The following LRRC4C variants were observed in gnomAD, a reference collection of about 807,000 sequenced individuals.
LRRC4C encodes leucine-rich repeat-containing protein 4C.
Under a neutral mutation model 33.6 loss-of-function variants are expected in LRRC4C, and 5 were observed. The ratio of observed to expected loss-of-function variants is 0.15; its 90% CI spans 0.08 to 0.31. The LOEUF (loss-of-function observed/expected upper bound fraction) is 0.31, where lower values mean the gene tolerates loss of function less well. LRRC4C is among the 10% of genes least tolerant of loss of function. LRRC4C has a pLI of 1.00. For missense variants in LRRC4C, 560 were observed against 796.7 expected (o/e 0.70, Z 3.58); for synonymous variants, 329 against 302.0 (o/e 1.09, Z -0.93).
chr11:40,681,597 T>C (rs1038211021), intron 2 of LRRC4C, among the ~76,000 whole-genome samples: 2 of 152,126 alleles, frequency 1.3e-5, no homozygotes, highest in African/African-American at 4.8e-5. Flanking sequence ...GTTTAATAAA[T>C]ATAAAGACTA....
At chr11:40,341,932 T>C (rs1430481653) in intron 3 of LRRC4C, among the ~76,000 whole-genome samples, 2 of 152,050 alleles carry the variant, frequency 1.3e-5, no homozygotes, top group African/African-American at 2.4e-5. Context: ...TGTGGTTTTC[T>C]TTGTAAATCA....
Position 41,008,441 on chromosome 11 carries a change from C to T in LRRC4C, c.-495-74718G>A, listed in dbSNP as rs1198039973. ...ACAGTAATCTGGTAACAGATTGATA[C>T]TAAAGAGAGCTAGTTCGATTTGTTG... On this transcript the variant is annotated intron_variant, in intron 1 of 6. Transcript: ENST00000528697. 2.0e-5 allele frequency among the ~76,000 whole-genome samples: 3 copies of T among 152,068 alleles called. No individual in the cohort carries two copies. The East Asian group carries it at 5.8e-4, about 29-fold the overall frequency.
rs370851776 is a variant in LRRC4C at position 41,437,899 on chromosome 11, G to A, written c.-496+21532C>T. Among the ~76,000 whole-genome samples the A allele has an allele frequency of 2.8e-4, 42 of 152,132 alleles. No homozygotes were observed. In the East Asian group the frequency reaches 7.4e-3, roughly 27 times the overall value. On this transcript the variant is annotated intron_variant, in intron 1 of 6. Coordinates refer to ENST00000528697, the MANE Select transcript of LRRC4C (RefSeq NM_001258419.2). Reference sequence around the variant, plus strand: ...CTAAAAATACAAAAATTAGCTGGGCGTGGTTGTGGGCACCTGTAATTCCAG... The same window carrying A: ...CTAAAAATACAAAAATTAGCTGGGCATGGTTGTGGGCACCTGTAATTCCAG...
chr11:40,380,300 T>G (rs1948816910), intron 3 of LRRC4C, among the ~76,000 whole-genome samples: 1 of 152,170 alleles, frequency 6.6e-6, no homozygotes, highest in Non-Finnish European at 1.5e-5. Flanking sequence ...GGTTTATGTT[T>G]TAAATCTTCC....
rs397956716 is a variant in LRRC4C, at chr11:40,789,093, GAAAAAAA to G, written c.-406-140822_-406-140816del. On this transcript the variant is annotated intron_variant, in intron 2 of 6. Transcript: ENST00000528697. ...GGGTGAGAGCAAGACTCCGTCTCGG[GAAAAAAA>G]AAAAAAAAAAAAAAAAAGCATATTA... Among the ~76,000 whole-genome samples the G allele has an allele frequency of 3.3e-3, 208 of 63,542 alleles. 1 individual carries two copies. The highest frequency in any genetic ancestry group is 0.013 in the African/African-American group (197 of 15,488). The allele number at this position is 63,542 out of a possible 152,430, so 41.7% of individuals were successfully genotyped here.
chr11:40,840,623 C>T (rs1952869053), intron 2 of LRRC4C, among the ~76,000 whole-genome samples: 1 of 152,136 alleles, frequency 6.6e-6, no homozygotes, highest in Non-Finnish European at 1.5e-5. Context: ...GTTATGGTTT[C>T]CTTGAACTGG....
intron 2 of LRRC4C, among the ~76,000 whole-genome samples, chr11:40,765,145 C>T (rs1401344081): frequency 6.6e-6 from 1 of 152,116 alleles, no homozygotes; most frequent in African/African-American, 2.4e-5. Context: ...GTATCCCCAC[C>T]CAAATCTCAT....
intron 1 of LRRC4C, among the ~76,000 whole-genome samples, chr11:40,938,589 C>T (rs1958010444): frequency 6.6e-6 from 1 of 152,074 alleles, no homozygotes; most frequent in African/African-American, 2.4e-5. Context: ...CACCTACTGC[C>T]TCTTCTTAAA....
intron 1 of LRRC4C, among the ~76,000 whole-genome samples, chr11:41,286,246 A>G (rs1949824434): frequency 6.6e-6 from 1 of 152,180 alleles, no homozygotes; most frequent in South Asian, 2.1e-4. Flanking sequence ...TCTTTTATAA[A>G]ATAGTTTCTT....
chr11:41,143,384 T>G (rs1209215187), intron 1 of LRRC4C, among the ~76,000 whole-genome samples: 5 of 152,160 alleles, frequency 3.3e-5, no homozygotes, highest in African/African-American at 1.2e-4. Context: ...TAAATCATTT[T>G]GGGACTAAGG....
chr11:40,475,990 G>T (rs1953198783), intron 3 of LRRC4C, among the ~76,000 whole-genome samples: 1 of 152,100 alleles, frequency 6.6e-6, no homozygotes, highest in South Asian at 2.1e-4. Flanking sequence ...TGCATTTTAG[G>T]ATATTTAGCA....
intron 1 of LRRC4C, among the ~76,000 whole-genome samples, chr11:40,946,778 C>G (rs1958422603): frequency 6.6e-6 from 1 of 152,158 alleles, no homozygotes; most frequent in Non-Finnish European, 1.5e-5. Flanking sequence ...TAATAGACAT[C>G]TAACAGAGCA....
At chr11:40,715,872 A>C (rs963431352) in intron 2 of LRRC4C, among the ~76,000 whole-genome samples, 1 of 152,100 alleles carries the variant, frequency 6.6e-6, no homozygotes, top group African/African-American at 2.4e-5. Flanking sequence ...TAAAAATATA[A>C]AAATTAGCCC....
intron 1 of LRRC4C, among the ~76,000 whole-genome samples, chr11:41,272,377 G>A (rs11036334): frequency 0.2 from 29,609 of 151,818 alleles, 3,047 homozygotes; most frequent in African/African-American, 0.25. Flanking sequence ...ATCTCCTCTG[G>A]CTGCTACACA....
chr11:41,186,681 CA>C (rs1178507410), intron 1 of LRRC4C, among the ~76,000 whole-genome samples: 1 of 152,062 alleles, frequency 6.6e-6, no homozygotes, highest in Non-Finnish European at 1.5e-5. Flanking sequence ...TCTGTATTAT[CA>C]AATAAATGTT....
chr11:41,390,758 A>C (rs995112240), intron 1 of LRRC4C, among the ~76,000 whole-genome samples: 4 of 151,846 alleles, frequency 2.6e-5, no homozygotes, highest in Admixed American at 6.6e-5. Flanking sequence ...CAAAATATAT[A>C]ATACTATGAG....
chr11:40,980,668 C>A (rs772187876), intron 1 of LRRC4C, among the ~76,000 whole-genome samples: 3 of 152,212 alleles, frequency 2.0e-5, no homozygotes, highest in Non-Finnish European at 4.4e-5. Flanking sequence ...AGTTCCCCAA[C>A]TGTAAAGAAA....
chr11:40,508,263 G>T (rs1193370653), intron 3 of LRRC4C, among the ~76,000 whole-genome samples: 1 of 151,868 alleles, frequency 6.6e-6, no homozygotes, highest in Non-Finnish European at 1.5e-5. Flanking sequence ...CAAAGAAGGG[G>T]GAATTATTTA....
chr11:41,022,909 T>C (rs1423832177), intron 1 of LRRC4C, among the ~76,000 whole-genome samples: 3 of 151,874 alleles, frequency 2.0e-5, no homozygotes, highest in Non-Finnish European at 2.9e-5. Flanking sequence ...ACATGGATAG[T>C]CATAAATTCT....
Sources: gnomAD v4.1 joint callset for allele counts (sites outside exome capture counted in the v4.1 genomes callset) on GRCh38, gnomAD v4.1.1 for gene constraint, MANE v1.5 for transcripts, NCBI Gene and HGNC (gene_info 2026-07-23, HGNC 2026-07-21) for gene names.